Variants in FRMPD3 observed in about 807,000 individuals in gnomAD.
The protein encoded by FRMPD3 is FERM and PDZ domain containing 3, also known as FERM and PDZ domain-containing protein 3.
In FRMPD3, 42 loss-of-function variants were observed where a neutral mutation model predicts 97.9. That is an observed-to-expected ratio of 0.43 (90% CI 0.34 to 0.55). The LOEUF (loss-of-function observed/expected upper bound fraction) is 0.55, where lower values mean the gene tolerates loss of function less well. FRMPD3 is among the 20% of genes least tolerant of loss of function. The pLI, the probability that FRMPD3 is intolerant of heterozygous loss-of-function variation, is 0.03. For synonymous variants in FRMPD3, 577 were observed against 581.1 expected (o/e 0.99, Z 0.10); for missense variants, 1,303 against 1,457.7 (o/e 0.89, Z 1.73).
intron 1 of FRMPD3, among the ~76,000 whole-genome samples, chrX:107,483,854 C>G (rs1388408237): frequency 3.6e-5 from 4 of 111,711 alleles, no homozygotes; most frequent in Non-Finnish European, 7.5e-5. Context: ...GCCTGCCTAT[C>G]TGGATGGAGG....
intron 12 of FRMPD3, among the ~76,000 whole-genome samples, chrX:107,574,519 A>G (rs1323247908): frequency 8.9e-6 from 1 of 112,323 alleles, no homozygotes; most frequent in Admixed American, 9.4e-5. Flanking sequence ...CTAGCCCTTT[A>G]TAGAAAATGT....
rs780485729 is a variant in FRMPD3, at chrX:107,560,844, C to T, written c.1017C>T (p.Cys339=). The T allele has an allele frequency of 1.8e-5, 21 of 1,192,921 alleles. No homozygotes were observed. The highest frequency in any genetic ancestry group is 4.5e-5 in the Admixed American group (2 of 44,304). ...AGGCTCACCAAACACATCCTTCCTG[C>T]GGCACCAAGGTATCCAGAGTAGACC... ...QLKAHQTHPS[C]GTKGSAIQAK... is the part of the protein sequence containing the mutation. The change falls in exon 10 of 15, where the codon TGC becomes TGT. Residue 339 remains cysteine (C), a synonymous_variant. Coordinates refer to ENST00000683843, the MANE Select transcript of FRMPD3 (RefSeq NM_001388459.1).
intron 10 of FRMPD3, among the ~76,000 whole-genome samples, chrX:107,561,352 TAA>T (rs201509261): frequency 9.0e-6 from 1 of 110,541 alleles, no homozygotes; most frequent in African/African-American, 3.3e-5. Context: ...AAAAATAATT[TAA>T]AAAAAATGTA....
At chrX:107,458,913 T>C (rs1414555363) in intron 1 of FRMPD3, among the ~76,000 whole-genome samples, 1 of 111,738 alleles carries the variant, frequency 8.9e-6, no homozygotes, top group Non-Finnish European at 1.9e-5. Context: ...GGCATCGGTG[T>C]GGCTGATAAA....
chrX:107,601,947 G>C lies in FRMPD3; in HGVS notation c.3908G>C (p.Arg1303Pro). The C allele has an allele frequency of 8.5e-7, 1 of 1,174,750 alleles. No homozygotes were observed. Among genetic ancestry groups the C allele is most frequent in the Non-Finnish European group, 1.1e-6 (1 of 878,456 alleles). The change falls in exon 15 of 15, where the codon CGC becomes CCC. Residue 1303 changes from arginine (R) to proline (P), a missense_variant. Around this residue, in one of 3 missense-constraint regions of FRMPD3, gnomAD observed 764 missense variants for 820.2 expected, o/e 0.93. Coordinates refer to ENST00000683843, the MANE Select transcript of FRMPD3 (RefSeq NM_001388459.1). ...REQRRSCDCKRICRGGRPQAT... is the reference protein window; with the variant it reads ...REQRRSCDCKPICRGGRPQAT... ...CAGAGGCGCAGCTGTGACTGCAAGCGCATCTGCCGGGGGGGCCGGCCACAA... is the reference window on the plus strand; with the variant it reads ...CAGAGGCGCAGCTGTGACTGCAAGCCCATCTGCCGGGGGGGCCGGCCACAA...
intron 1 of FRMPD3, among the ~76,000 whole-genome samples, chrX:107,487,736 T>C: frequency 8.9e-6 from 1 of 112,033 alleles, no homozygotes; most frequent in Non-Finnish European, 1.9e-5. Context: ...TCCCCAGGTT[T>C]TAAATGCTTC....
intron 1 of FRMPD3, among the ~76,000 whole-genome samples, chrX:107,459,132 A>G (rs1327072144): frequency 1.8e-5 from 2 of 112,219 alleles, no homozygotes; most frequent in Admixed American, 9.4e-5. Context: ...TGAAAGAGTG[A>G]GCAATGAGGA....
At chrX:107,524,379 G>A (rs181401723) in intron 1 of FRMPD3, among the ~76,000 whole-genome samples, 171 of 111,900 alleles carry the variant, frequency 1.5e-3, no homozygotes, top group African/African-American at 5.1e-3. Flanking sequence ...GGTGTGAGAG[G>A]GAAGGAGCAA....
intron 8 of FRMPD3, among the ~76,000 whole-genome samples, chrX:107,559,486 G>C (rs766867543): frequency 8.9e-6 from 1 of 111,899 alleles, no homozygotes; most frequent in African/African-American, 3.2e-5. Flanking sequence ...AGAATCCACT[G>C]AATTTTCTAC....
Position 107,602,674 on chromosome X carries a change from G to A in FRMPD3, c.4635G>A (p.Leu1545=), listed in dbSNP as rs766426717. The A allele has an allele frequency of 7.4e-6, 9 of 1,209,883 alleles. No individual in the cohort carries two copies. Among genetic ancestry groups the A allele is most frequent in the Non-Finnish European group, 1.0e-5 (9 of 895,410 alleles). ...VPVVSRTLQV[L]DAATCSSSSP... is the part of the protein sequence containing the mutation. ...TGGTGAGCAGGACCCTGCAGGTGCT[G>A]GATGCTGCTACCTGCAGCAGCAGCA... The change falls in exon 15 of 15, where the codon CTG becomes CTA. Residue 1545 remains leucine (L), a synonymous_variant. Coordinates refer to ENST00000683843, the MANE Select transcript of FRMPD3 (RefSeq NM_001388459.1).
At chrX:107,593,231 T>C (rs927737668) in intron 13 of FRMPD3, among the ~76,000 whole-genome samples, 23 of 111,688 alleles carry the variant, frequency 2.1e-4, no homozygotes, top group African/African-American at 7.2e-4. Context: ...GCCAACTTCT[T>C]GGTGGGATTG....
chrX:107,598,253 G>A (rs1924313724), intron 14 of FRMPD3, 111 bp downstream of exon 14: 2 of 649,403 alleles, frequency 3.1e-6, no homozygotes, highest in Admixed American at 3.5e-5. Flanking sequence ...AGGTATGTCA[G>A]GGCAGTGGAT....
At chrX:107,557,797 C>CTATATATATATATATA (rs59276897) in intron 8 of FRMPD3, among the ~76,000 whole-genome samples, 1 of 30,029 alleles carries the variant, frequency 3.3e-5, no homozygotes, top group Non-Finnish European at 6.9e-5. Flanking sequence ...AATCTGTTGT[C>CTATATATATATATATA]TATATATATA....
chrX:107,449,913 C>G lies in FRMPD3; in HGVS notation c.-100C>G. ...CTAGTCCCGCTGCCGCCGCCGCCGC[C>G]GCCGCCGCTGCGCCGCCGCTGCCGC... On this transcript the variant is annotated 5_prime_UTR_variant, in exon 1 of 15. Transcript: ENST00000683843. Among the ~76,000 whole-genome samples the G allele has an allele frequency of 9.1e-6, 1 of 109,549 alleles. No homozygotes were observed. Among genetic ancestry groups the G allele is most frequent in the African/African-American group, 3.3e-5 (1 of 30,563 alleles).
intron 13 of FRMPD3, among the ~76,000 whole-genome samples, chrX:107,578,043 A>T (rs112166811): frequency 0.029 from 3,290 of 111,880 alleles, 118 homozygotes; most frequent in African/African-American, 0.1. Context: ...TGGCCGAATG[A>T]TGAAAAAGCC....
intron 4 of FRMPD3, among the ~76,000 whole-genome samples, chrX:107,542,058 T>A (rs1440117908): frequency 8.9e-6 from 1 of 112,443 alleles, no homozygotes; most frequent in Non-Finnish European, 1.9e-5. Flanking sequence ...GTAGAAAGAT[T>A]CCACTTGCCT....
intron 1 of FRMPD3, among the ~76,000 whole-genome samples, chrX:107,484,972 G>C (rs769527016): frequency 4.4e-4 from 49 of 112,545 alleles, no homozygotes; most frequent in African/African-American, 1.6e-3. Context: ...CAAAGAATAT[G>C]ATTGGCTAAT....
chrX:107,494,473 AT>A, intron 1 of FRMPD3, among the ~76,000 whole-genome samples: 1 of 111,485 alleles, frequency 9.0e-6, no homozygotes, highest in African/African-American at 3.3e-5. Context: ...ATTCTACTTG[AT>A]TTTTTTTCTG....
chrX:107,580,780 T>C (rs1248622433), intron 13 of FRMPD3, among the ~76,000 whole-genome samples: 1 of 111,115 alleles, frequency 9.0e-6, no homozygotes, highest in African/African-American at 3.3e-5. Flanking sequence ...TTAAATAATA[T>C]TTCTCCAACT....
Sources: allele counts gnomAD v4.1 joint callset (sites outside exome capture counted in the v4.1 genomes callset), GRCh38; gene constraint gnomAD v4.1.1; regional missense constraint gnomAD v4.1.1; transcripts MANE v1.5; gene names NCBI Gene and HGNC (gene_info 2026-07-23, HGNC 2026-07-21).